The following ZNF277 variants were observed in gnomAD, a reference collection of about 807,000 sequenced individuals.
ZNF277 encodes nuclear receptor-interacting factor 4.
A neutral mutation model predicts 60.7 loss-of-function variants in ZNF277; 55 were observed. That is an observed-to-expected ratio of 0.91 (90% CI 0.73 to 1.13). The LOEUF is 1.13. ZNF277 is among the 50% of genes most tolerant of loss of function. The pLI, the probability that ZNF277 is intolerant of heterozygous loss-of-function variation, is 0.00. For missense variants in ZNF277, 510 were observed against 523.0 expected, an observed-to-expected ratio of 0.98 and a Z score of 0.24; for synonymous variants, 178 against 179.3, an observed-to-expected ratio of 0.99 and a Z score of 0.06.
At chr7:112,225,878 TATG>T (rs1317856401) in intron 1 of ZNF277, among the ~76,000 whole-genome samples, 2 of 152,322 alleles carry the variant, frequency 1.3e-5, no homozygotes, top group South Asian at 2.1e-4. Context: ...AGAAAAGTAT[TATG>T]ATACTACATG....
chr7:112,338,554 C>T (rs1463803359), intron 9 of ZNF277, among the ~76,000 whole-genome samples: 1 of 152,160 alleles, frequency 6.6e-6, no homozygotes, highest in African/African-American at 2.4e-5. Flanking sequence ...GCAGCCACCT[C>T]TGCCAATAGT....
At chr7:112,275,661 G>A (rs1791774637) in intron 1 of ZNF277, among the ~76,000 whole-genome samples, 1 of 151,956 alleles carries the variant, frequency 6.6e-6, no homozygotes, top group Non-Finnish European at 1.5e-5. Flanking sequence ...TCTCTTCCTA[G>A]TATTTATTTC....
At chr7:112,272,170 G>C (rs1791684056) in intron 1 of ZNF277, among the ~76,000 whole-genome samples, 1 of 151,994 alleles carries the variant, frequency 6.6e-6, no homozygotes, top group Admixed American at 6.6e-5. Flanking sequence ...CACAAATAAG[G>C]GAGAACATGC....
intron 2 of ZNF277, among the ~76,000 whole-genome samples, chr7:112,289,676 T>C (rs1792159866): frequency 6.6e-6 from 1 of 152,204 alleles, no homozygotes; most frequent in South Asian, 2.1e-4. Flanking sequence ...TACTCAACCA[T>C]TGAAAGAAAT....
intron 1 of ZNF277, among the ~76,000 whole-genome samples, chr7:112,267,814 C>T (rs1791584236): frequency 6.6e-6 from 1 of 152,068 alleles, no homozygotes; most frequent in Non-Finnish European, 1.5e-5. Context: ...AGATGTCAGC[C>T]CACTGAACTT....
Position 112,327,791 on chromosome 7 carries a change from A to G in ZNF277, c.632A>G (p.Asn211Ser), listed in dbSNP as rs779710379. The change falls in exon 6 of 12, where the codon AAT (asparagine) becomes AGT (serine). Residue 211 changes from asparagine (N) to serine (S), a missense_variant. Transcript: ENST00000361822. Reference protein sequence around the residue: ...IGLPDNIVNCNEFLCTLQKKL... With the variant: ...IGLPDNIVNCSEFLCTLQKKL... ...TTGCCAGACAACATTGTAAACTGCAATGAATTTTTGTGTACATTACAGAAA... is the reference window on the plus strand; with the variant it reads ...TTGCCAGACAACATTGTAAACTGCAGTGAATTTTTGTGTACATTACAGAAA... 8 of 1,612,118 alleles carry G rather than the reference A, an allele frequency of 5.0e-6. No individual in the cohort carries two copies. The South Asian group carries it at 5.5e-5, about 11-fold the overall frequency.
At chr7:112,293,050 A>G (rs1047765237) in intron 2 of ZNF277, among the ~76,000 whole-genome samples, 2 of 152,208 alleles carry the variant, frequency 1.3e-5, no homozygotes, top group Non-Finnish European at 2.9e-5. Flanking sequence ...TTAATTATCA[A>G]CAATTTATTT....
chr7:112,313,981 A>G (rs1584402759), intron 4 of ZNF277, among the ~76,000 whole-genome samples: 1 of 152,284 alleles, frequency 6.6e-6, no homozygotes, highest in East Asian at 1.9e-4. Context: ...TGTGGCATAG[A>G]GGAACTCATT....
chr7:112,296,742 G>A (rs963870915), intron 4 of ZNF277, among the ~76,000 whole-genome samples: 1 of 151,192 alleles, frequency 6.6e-6, no homozygotes, highest in African/African-American at 2.4e-5. Context: ...TTAAGCATAT[G>A]GTTTAATCTA....
chr7:112,337,217 G>C (rs1312780409), intron 8 of ZNF277, among the ~76,000 whole-genome samples: 2 of 152,322 alleles, frequency 1.3e-5, no homozygotes, highest in Non-Finnish European at 2.9e-5. Context: ...TCCTTTTTGA[G>C]TTCCCTGTCT....
chr7:112,331,545 T>C (rs557440543), intron 7 of ZNF277, among the ~76,000 whole-genome samples: 1 of 152,302 alleles, frequency 6.6e-6, no homozygotes, highest in African/African-American at 2.4e-5. Context: ...AAATCTCTGC[T>C]TTAGGGTGGA....
At chr7:112,216,468 C>A in intron 1 of ZNF277, among the ~76,000 whole-genome samples, 1 of 152,110 alleles carries the variant, frequency 6.6e-6, no homozygotes, top group East Asian at 1.9e-4. Context: ...TGCCACCATG[C>A]GCAGCTAAAT....
chr7:112,232,230 G>C (rs964075931), intron 1 of ZNF277, among the ~76,000 whole-genome samples: 3 of 151,854 alleles, frequency 2.0e-5, no homozygotes, highest in Non-Finnish European at 4.4e-5. Context: ...AGAGTTTCAG[G>C]GGAAGACAAA....
intron 2 of ZNF277, chr7:112,288,216 G>T (rs892537844): frequency 6.6e-6 from 1 of 152,188 alleles, no homozygotes; most frequent in Non-Finnish European, 1.5e-5. Context: ...TCTGGAAGTA[G>T]TTGTCCAAGA....
intron 1 of ZNF277, among the ~76,000 whole-genome samples, chr7:112,243,887 T>A (rs1028332284): frequency 6.6e-6 from 1 of 152,090 alleles, no homozygotes; most frequent in Non-Finnish European, 1.5e-5. Flanking sequence ...TAGCAAAGCA[T>A]TGGAATAAAC....
Position 112,243,722 on chromosome 7 carries a change from C to T in ZNF277, c.91+36915C>T, listed in dbSNP as rs184876523. On this transcript the variant is annotated intron_variant, in intron 1 of 11. Coordinates refer to ENST00000361822, the MANE Select transcript of ZNF277 (RefSeq NM_021994.3). ...GAGAAAATGGGAATGTAAACTAGTA[C>T]AACCATTATGGAAAACATTTGAACA... is the stretch of plus-strand genomic sequence containing the variant. Among the ~76,000 whole-genome samples, 306 of 151,962 alleles carry T rather than the reference C, an allele frequency of 2.0e-3. 1 individual carries two copies. Among genetic ancestry groups the T allele is most frequent in the African/African-American group, 7.0e-3 (291 of 41,510 alleles).
chr7:112,310,881 A>G (rs1792715957), intron 4 of ZNF277, among the ~76,000 whole-genome samples: 1 of 152,082 alleles, frequency 6.6e-6, no homozygotes, highest in Non-Finnish European at 1.5e-5. Flanking sequence ...ATAGCCACTC[A>G]TATATCCATT....
At chr7:112,318,645 G>A (rs1476017205) in intron 5 of ZNF277, among the ~76,000 whole-genome samples, 1 of 152,070 alleles carries the variant, frequency 6.6e-6, no homozygotes, top group Non-Finnish European at 1.5e-5. Flanking sequence ...TAAAAAAGAA[G>A]TGGGGGCACT....
At chr7:112,307,858 AATAC>A (rs1299912231) in intron 4 of ZNF277, among the ~76,000 whole-genome samples, 2 of 151,920 alleles carry the variant, frequency 1.3e-5, no homozygotes, top group Admixed American at 1.3e-4. Context: ...CTAAAAGATA[AATAC>A]ATACATACAT....
Sources: gnomAD v4.1 joint callset for allele counts (sites outside exome capture counted in the v4.1 genomes callset) on GRCh38, gnomAD v4.1.1 for gene constraint, MANE v1.5 for transcripts, NCBI Gene and HGNC (gene_info 2026-07-23, HGNC 2026-07-21) for gene names.